The following AVEN variants were observed in gnomAD, a reference collection of about 807,000 sequenced individuals.
The protein encoded by AVEN is cell death regulator Aven.
A neutral mutation model predicts 38.1 loss-of-function variants in AVEN; 41 were observed. That is an observed-to-expected ratio of 1.08 (90% CI 0.84 to 1.40). The LOEUF (loss-of-function observed/expected upper bound fraction) is 1.40, where lower values mean the gene tolerates loss of function less well. AVEN is among the 40% of genes most tolerant of loss of function. AVEN has a pLI of 0.00. For synonymous variants in AVEN, 206 were observed against 171.8 expected (o/e 1.20, Z -1.56); for missense variants, 605 against 438.8 (o/e 1.38, Z -3.38).
intron 2 of AVEN, among the ~76,000 whole-genome samples, chr15:33,924,652 T>C (rs1202006421): frequency 2.6e-5 from 4 of 152,210 alleles, no homozygotes; most frequent in South Asian, 4.1e-4. Flanking sequence ...TTCATTATGA[T>C]TGTCTTATAC....
At chr15:33,938,715 A>G (rs1394913283) in intron 2 of AVEN, among the ~76,000 whole-genome samples, 5 of 152,232 alleles carry the variant, frequency 3.3e-5, no homozygotes, top group Admixed American at 6.5e-5. Context: ...CAGAGAATGC[A>G]TTAGTTATGT....
intron 2 of AVEN, among the ~76,000 whole-genome samples, chr15:33,880,955 G>T (rs1891461962): frequency 1.3e-5 from 2 of 152,188 alleles, no homozygotes; most frequent in African/African-American, 4.8e-5. Context: ...AAATGTTAGA[G>T]AAAAATGAGT....
At chr15:34,009,135 G>A (rs577452801) in intron 1 of AVEN, among the ~76,000 whole-genome samples, 11 of 152,148 alleles carry the variant, frequency 7.2e-5, no homozygotes, top group African/African-American at 2.2e-4. Flanking sequence ...AAAATAAACT[G>A]TCAGCCAAGA....
chr15:33,949,887 G>GT (rs1894669033), intron 2 of AVEN, among the ~76,000 whole-genome samples: 1 of 152,130 alleles, frequency 6.6e-6, no homozygotes, highest in East Asian at 1.9e-4. Flanking sequence ...AATGAAATCA[G>GT]TATCTCGAAA....
intron 1 of AVEN, 94 bp downstream of exon 1, chr15:34,038,675 TCTGGCGCGCGC>T: frequency 1.0e-6 from 1 of 992,208 alleles, no homozygotes; most frequent in African/African-American, 1.7e-5. Flanking sequence ...CCGCCGCCCG[TCTGGCGCGCGC>T]CTGGCACGCT....
At chr15:33,961,548 T>TTA (rs1895161970) in intron 2 of AVEN, among the ~76,000 whole-genome samples, 1 of 151,638 alleles carries the variant, frequency 6.6e-6, no homozygotes, top group Non-Finnish European at 1.5e-5. Flanking sequence ...GTGAGGTGGC[T>TTA]CATGCCTGTA....
intron 2 of AVEN, among the ~76,000 whole-genome samples, chr15:33,963,796 C>A (rs75165127): frequency 6.4e-3 from 719 of 112,316 alleles, no homozygotes; most frequent in Non-Finnish European, 7.2e-3. Context: ...GACTCTGTCT[C>A]AAAAAAAAAA....
chr15:33,949,584 G>C (rs1894653617), intron 2 of AVEN, among the ~76,000 whole-genome samples: 1 of 152,066 alleles, frequency 6.6e-6, no homozygotes, highest in Non-Finnish European at 1.5e-5. Context: ...GTGTGGGAAG[G>C]GGAAGTGACT....
chr15:34,064,609 A>G (rs1900462701), intron 4 of AVEN: 1 of 388,124 alleles, frequency 2.6e-6, no homozygotes. Context: ...ACACTGGGTA[A>G]CAATGAACAG....
Position 34,039,067 on chromosome 15 carries a change from T to C in AVEN, c.-21A>G. ...TGCATCTGGCCGCCGCTGGCGGTGC[T>C]GAGCGCGCGGGAGCCGAGCTGCGGC... On this transcript the variant is annotated 5_prime_UTR_variant, in exon 1 of 6. Transcript: ENST00000306730. The C allele has an allele frequency of 6.4e-6, 7 of 1,089,746 alleles. No individual in the cohort carries two copies. Among genetic ancestry groups the C allele is most frequent in the Non-Finnish European group, 7.8e-6 (7 of 898,222 alleles). The allele number at this position is 1,089,746 out of a possible 1,614,324, so 67.5% of individuals were successfully genotyped here.
downstream of AVEN, among the ~76,000 whole-genome samples, chr15:33,863,186 C>G (rs532118329): frequency 6.6e-6 from 1 of 152,150 alleles, no homozygotes; most frequent in Non-Finnish European, 1.5e-5. Context: ...CAATTTTATT[C>G]GTGTTTGAGC....
chr15:33,913,037 G>A lies in AVEN; in HGVS notation c.446-37042C>T, dbSNP rs150100047. The stretch of plus-strand genomic sequence containing the variant: ...CCCAAGTAGCTGGGATTACAGGCAT[G>A]CACCACCACACCCAGCTAATTTTGT... On this transcript the variant is annotated intron_variant, in intron 2 of 5. Coordinates refer to ENST00000306730, the MANE Select transcript of AVEN (RefSeq NM_020371.3). 5.0e-4 allele frequency among the ~76,000 whole-genome samples: 76 copies of A among 152,148 alleles called. 1 individual carries two copies. In the East Asian group the frequency reaches 0.014, roughly 29 times the overall value.
downstream of AVEN, among the ~76,000 whole-genome samples, chr15:33,861,796 G>C (rs1299341057): frequency 6.6e-6 from 1 of 152,266 alleles, no homozygotes; most frequent in East Asian, 1.9e-4. Flanking sequence ...TTTTGGGCAT[G>C]TCTGTTTTCA....
chr15:34,064,416 C>A, intron 4 of AVEN: 2 of 1,379,348 alleles, frequency 1.4e-6, no homozygotes, highest in Non-Finnish European at 1.9e-6. Flanking sequence ...AAGAAGACAT[C>A]TCATTTTGAG....
At chr15:34,030,559 A>T (rs1898737461) in intron 1 of AVEN, among the ~76,000 whole-genome samples, 1 of 151,656 alleles carries the variant, frequency 6.6e-6, no homozygotes, top group South Asian at 2.1e-4. Context: ...TGTTAGGCTG[A>T]CCTTGTGATC....
At chr15:33,962,666 C>T (rs1298725350) in intron 2 of AVEN, among the ~76,000 whole-genome samples, 1 of 65,158 alleles carries the variant, frequency 1.5e-5, no homozygotes, top group Non-Finnish European at 5.0e-5. Context: ...CTAAATTTCC[C>T]TGCATAATAT....
chr15:33,901,286 C>T (rs182327713), intron 2 of AVEN, among the ~76,000 whole-genome samples: 1 of 151,016 alleles, frequency 6.6e-6, no homozygotes, highest in East Asian at 1.9e-4. Flanking sequence ...AAGAAAAAGA[C>T]TCTACCTTAC....
rs1268218246 is a variant in AVEN, at chr15:33,876,093, GCTCAAA to G, written c.446-104_446-99del. The G allele has an allele frequency of 3.6e-6, 4 of 1,102,194 alleles. No homozygotes were observed. In the Admixed American group the frequency reaches 6.8e-5, roughly 19 times the overall value. The allele number at this position is 1,102,194 out of a possible 1,614,324, so 68.3% of individuals were successfully genotyped here. On this transcript the variant is annotated intron_variant, in intron 2 of 5. Transcript: ENST00000306730. The stretch of plus-strand genomic sequence containing the variant: ...AGAGCAAAAGTGCCATTTCTGAAGT[GCTCAAA>G]CTCAAAGGGAGAGGCAAGGATAAAA...
chr15:33,973,849 T>C (rs1895754036), intron 2 of AVEN, among the ~76,000 whole-genome samples: 2 of 152,200 alleles, frequency 1.3e-5, no homozygotes, highest in African/African-American at 2.4e-5. Context: ...GTTAAATGAA[T>C]GTGAAAATGT....
Sources: allele counts gnomAD v4.1 joint callset (sites outside exome capture counted in the v4.1 genomes callset), GRCh38; gene constraint gnomAD v4.1.1; transcripts MANE v1.5; gene names NCBI Gene and HGNC (gene_info 2026-07-23, HGNC 2026-07-21).